ADGRV1: variants seen among roughly 807,000 people sequenced by gnomAD.
ADGRV1 encodes the protein adhesion G protein-coupled receptor V1.
A neutral mutation model predicts 596.2 loss-of-function variants in ADGRV1; 359 were observed. The ratio of observed to expected loss-of-function variants is 0.60; its 90% CI spans 0.55 to 0.66. ADGRV1 has a LOEUF of 0.66. Among genes scored for constraint, ADGRV1 ranks in the 30% least tolerant of loss-of-function variants. ADGRV1 has a pLI of 0.00. For synonymous variants in ADGRV1, 2,681 were observed against 2,679.2 expected (o/e 1.00, Z -0.02); for missense variants, 7,274 against 7,575.6 (o/e 0.96, Z 1.48).
intron 86 of ADGRV1, among the ~76,000 whole-genome samples, chr5:91,076,673 GGACTATTTTTATAA>G (rs1330462053): frequency 4.6e-5 from 7 of 151,968 alleles, no homozygotes; most frequent in South Asian, 2.1e-4. Flanking sequence ...ATTATTATTA[GGACTATTTTTATAA>G]GAAATATTTT....
chr5:91,143,998 G>A (rs1284910792), intron 87 of ADGRV1, among the ~76,000 whole-genome samples: 1 of 152,198 alleles, frequency 6.6e-6, no homozygotes, highest in Non-Finnish European at 1.5e-5. Flanking sequence ...GCCCAGGCTT[G>A]GCCTCAACTT....
intron 59 of ADGRV1, among the ~76,000 whole-genome samples, chr5:90,767,674 C>CTT (rs112354620): frequency 4.1e-4 from 58 of 142,334 alleles, no homozygotes; most frequent in East Asian, 6.1e-4. Context: ...CCATGTCTTA[C>CTT]TTTTTTTTTT....
chr5:90,604,164 T>A (rs918942415), intron 1 of ADGRV1, among the ~76,000 whole-genome samples: 13 of 152,002 alleles, frequency 8.6e-5, no homozygotes, highest in Non-Finnish European at 1.6e-4. Context: ...TCCATTTTTT[T>A]AAAATGTGAA....
chr5:90,965,535 G>C lies in ADGRV1; in HGVS notation c.17973+4G>C. On this transcript the variant is annotated splice_donor_region_variant and intron_variant, in intron 84 of 89. Transcript: ENST00000405460. The stretch of plus-strand genomic sequence containing the variant: ...GTTTAGCTGGATGCTCATTCAGGTT[G>C]GTACCTCATTCCCTCTCCCCGCCCC... 1 of 1,548,176 alleles carries C rather than the reference G, an allele frequency of 6.5e-7. No homozygotes were observed. Among genetic ancestry groups the C allele is most frequent in the Non-Finnish European group, 8.9e-7 (1 of 1,121,244 alleles).
chr5:91,076,900 G>A (rs1286727638), intron 86 of ADGRV1, among the ~76,000 whole-genome samples: 1 of 151,704 alleles, frequency 6.6e-6, no homozygotes, highest in Admixed American at 6.6e-5. Context: ...TAGGGTACAT[G>A]TGCACAACGT....
At chr5:90,916,310 C>G (rs1043154182) in intron 83 of ADGRV1, among the ~76,000 whole-genome samples, 5 of 151,932 alleles carry the variant, frequency 3.3e-5, no homozygotes, top group Non-Finnish European at 7.4e-5. Flanking sequence ...ACTGACTTAA[C>G]ATTTAAATAT....
chr5:90,725,265 T>C, intron 47 of ADGRV1, 33 bp downstream of exon 47: 1 of 1,191,286 alleles, frequency 8.4e-7, no homozygotes, highest in Non-Finnish European at 1.1e-6. Context: ...ATAGATTACT[T>C]TCTTTAAAAG....
chr5:91,015,895 T>G (rs919059976), intron 85 of ADGRV1, among the ~76,000 whole-genome samples: 1 of 151,998 alleles, frequency 6.6e-6, no homozygotes, highest in African/African-American at 2.4e-5. Context: ...ATGTTTGGAT[T>G]TGGTCCTGTC....
At chr5:90,662,663 A>T (rs1770557694) in intron 21 of ADGRV1, among the ~76,000 whole-genome samples, 1 of 151,188 alleles carries the variant, frequency 6.6e-6, no homozygotes, top group East Asian at 1.9e-4. Flanking sequence ...CACATTGTGC[A>T]GGTTAGTTAC....
chr5:90,963,773 A>G (rs951157882), intron 83 of ADGRV1, among the ~76,000 whole-genome samples: 1 of 151,474 alleles, frequency 6.6e-6, no homozygotes, highest in African/African-American at 2.4e-5. Flanking sequence ...TTGAAAAAAA[A>G]GATTTTTTAA....
chr5:90,735,878 C>A lies in ADGRV1; in HGVS notation c.10549+6114C>A, dbSNP rs542574931. Among the ~76,000 whole-genome samples, 36 of 152,158 alleles carry A rather than the reference C, an allele frequency of 2.4e-4. No individual in the cohort carries two copies. In the South Asian group the frequency reaches 7.5e-3, roughly 31 times the overall value. ...TCAGTTCTAAGAGTTTGTTTTAATG[C>A]AAACTTTAGGGTTTTCAATATATAA... On this transcript the variant is annotated intron_variant, in intron 50 of 89. Coordinates refer to ENST00000405460, the MANE Select transcript of ADGRV1 (RefSeq NM_032119.4).
At chr5:90,706,199 T>G (rs1748569470) in intron 37 of ADGRV1, 32 bp from the exon 38 acceptor site, 2 of 1,575,108 alleles carry the variant, frequency 1.3e-6, no homozygotes, top group Admixed American at 1.9e-5. Flanking sequence ...ATTTAGATAA[T>G]TATAAAACAT....
chr5:90,621,011 G>A (rs1763992945), intron 4 of ADGRV1, among the ~76,000 whole-genome samples: 2 of 152,000 alleles, frequency 1.3e-5, no homozygotes, highest in Non-Finnish European at 2.9e-5. Flanking sequence ...GAATTCCTGT[G>A]GCTCTGGCCA....
chr5:90,616,960 C>T (rs1212038069), intron 2 of ADGRV1, among the ~76,000 whole-genome samples: 1 of 152,186 alleles, frequency 6.6e-6, no homozygotes. Context: ...CATTCTTTAG[C>T]TGGATGAGAA....
rs61745496 is a variant in ADGRV1 at position 90,625,167 on chromosome 5, G to T, written c.596G>T (p.Ser199Ile). The change falls in exon 6 of 90, where the codon AGT becomes ATT. Residue 199 changes from serine (S) to isoleucine (I), a missense_variant. This residue lies in a region of ADGRV1 where 1,715 missense variants were observed against 1,708.8 expected (regional missense o/e 1.00). Transcript: ENST00000405460. ...GGPNPPDEDL[S>I]PVKGNITFPP... ...CCAAATCCCCCTGATGAAGATTTGA[G>T]TCCAGTTAAAGGAAATATCACCTTT... is the stretch of plus-strand genomic sequence containing the variant. The T allele has an allele frequency of 2.2e-4, 352 of 1,613,292 alleles. 2 individuals carry two copies. Among genetic ancestry groups the T allele is most frequent in the Admixed American group, 6.2e-4 (37 of 59,988 alleles).
At chr5:90,647,402 C>G in intron 16 of ADGRV1, 96 bp from the exon 17 acceptor site, 1 of 1,277,358 alleles carries the variant, frequency 7.8e-7, no homozygotes, top group Non-Finnish European at 1.1e-6. Flanking sequence ...CAGTACAAGG[C>G]TTCTCTCTTG....
Position 90,589,002 on chromosome 5 carries a change from TAAG to T in ADGRV1, c.23-25829_23-25827del, listed in dbSNP as rs1037515496. Among the ~76,000 whole-genome samples, 10 of 152,210 alleles carry T rather than the reference TAAG, an allele frequency of 6.6e-5. No homozygotes were observed. The East Asian group carries it at 1.7e-3, about 26-fold the overall frequency. On this transcript the variant is annotated intron_variant, in intron 1 of 89. Coordinates refer to ENST00000405460, the MANE Select transcript of ADGRV1 (RefSeq NM_032119.4). ...AAACTAAAATTTTCAGTCAGAATAA[TAAG>T]AAGCTAAAAGTATTGTCTTTCAAGA...
At chr5:91,082,596 C>T (rs151061370) in intron 86 of ADGRV1, among the ~76,000 whole-genome samples, 1 of 152,094 alleles carries the variant, frequency 6.6e-6, no homozygotes, top group Non-Finnish European at 1.5e-5. Context: ...ATACAGTTAC[C>T]GATTTTTTAA....
In ADGRV1 at chr5:90,959,276, A is replaced by G. The variant is rs531230749; in HGVS notation, c.17857-6139A>G. On this transcript the variant is annotated intron_variant, in intron 83 of 89. Coordinates refer to ENST00000405460, the MANE Select transcript of ADGRV1 (RefSeq NM_032119.4). ...AAACATATAAAAGAATTAGGGGTAA[A>G]TCTTTTTTTTTTAATGTGTGAAGGA... 1.4e-3 allele frequency among the ~76,000 whole-genome samples: 219 copies of G among 152,156 alleles called. 1 individual carries two copies. Among genetic ancestry groups the G allele is most frequent in the South Asian group, 5.8e-3 (28 of 4,808 alleles).
Sources: allele counts gnomAD v4.1 joint callset (sites outside exome capture counted in the v4.1 genomes callset), GRCh38; gene constraint gnomAD v4.1.1; regional missense constraint gnomAD v4.1.1; transcripts MANE v1.5; gene names NCBI Gene and HGNC (gene_info 2026-07-23, HGNC 2026-07-21).